ANKRD24: variants seen among roughly 807,000 people sequenced by gnomAD.
ANKRD24 encodes ankyrin repeat domain 24.
In ANKRD24, 109 loss-of-function variants were observed where a neutral mutation model predicts 127.8. That is an observed-to-expected ratio of 0.85 (90% CI 0.73 to 1.00). The LOEUF is 1.00. Ranked by LOEUF, ANKRD24 falls within the 50% of genes least tolerant of loss-of-function variation. The probability of loss-of-function intolerance (pLI) is 0.00; values close to 1 mark genes in which losing one functional copy is unlikely to be tolerated. For missense variants in ANKRD24, 1,648 were observed against 1,570.2 expected, an observed-to-expected ratio of 1.05 and a Z score of -0.84; for synonymous variants, 743 against 671.1, an observed-to-expected ratio of 1.11 and a Z score of -1.66.
chr19:4,210,528 G>A (rs867983353), intron 13 of ANKRD24, among the ~76,000 whole-genome samples, 156 bp downstream of exon 13: 54 of 151,732 alleles, frequency 3.6e-4, no homozygotes, highest in South Asian at 2.7e-3. Flanking sequence ...CCTCCAACTC[G>A]CCAGGCGCAG....
At chr19:4,206,811 G>A (rs1969411889) in intron 7 of ANKRD24, among the ~76,000 whole-genome samples, 1 of 152,190 alleles carries the variant, frequency 6.6e-6, no homozygotes, top group East Asian at 1.9e-4. Context: ...AATTTCTCAT[G>A]AAATAAAGGA....
intron 13 of ANKRD24, among the ~76,000 whole-genome samples, chr19:4,212,072 C>T (rs191376352): frequency 1.3e-5 from 2 of 151,782 alleles, no homozygotes; most frequent in African/African-American, 2.4e-5. Context: ...TGTTGGCGGG[C>T]GCCTGTAGTC....
chr19:4,187,763 GA>G (rs979136434), intron 2 of ANKRD24, among the ~76,000 whole-genome samples: 3 of 152,224 alleles, frequency 2.0e-5, no homozygotes, highest in Admixed American at 2.0e-4. Context: ...CGTATCATGG[GA>G]TACAACATCC....
At chr19:4,204,587 C>T (rs1003230008) in intron 7 of ANKRD24, among the ~76,000 whole-genome samples, 2 of 152,120 alleles carry the variant, frequency 1.3e-5, no homozygotes, top group Admixed American at 1.3e-4. Flanking sequence ...AAACTCCTTC[C>T]CAGAGGGAGG....
intron 11 of ANKRD24, among the ~76,000 whole-genome samples, chr19:4,209,538 C>G (rs896073089): frequency 1.3e-5 from 2 of 152,108 alleles, no homozygotes; most frequent in Non-Finnish European, 2.9e-5. Context: ...CAACCTCTGC[C>G]TCCCAGGTTC....
Position 4,219,210 on chromosome 19 carries a change from C to T in ANKRD24, c.3004-381C>T, listed in dbSNP as rs192256409. On this transcript the variant is annotated intron_variant, in intron 18 of 21. Coordinates refer to ENST00000318934, the MANE Select transcript of ANKRD24 (RefSeq NM_001393985.1). ...CTGAGGCAGGAGAATCGCTTGAACC[C>T]GGGAAGTGGAGGTTGCAGTGAGCTG... 3.9e-5 allele frequency among the ~76,000 whole-genome samples: 6 copies of T among 151,968 alleles called. No homozygotes were observed. In the East Asian group the frequency reaches 1.2e-3, roughly 30 times the overall value.
chr19:4,193,565 C>T (rs352508), intron 2 of ANKRD24, among the ~76,000 whole-genome samples: 66,295 of 151,254 alleles, frequency 0.44, 15,035 homozygotes, highest in Middle Eastern at 0.56. Context: ...ATGGCAGGCG[C>T]GGTGGCTCAT....
chr19:4,186,285 G>T, intron 1 of ANKRD24, 105 bp from the exon 2 acceptor site: 1 of 1,504,980 alleles, frequency 6.6e-7, no homozygotes, highest in Non-Finnish European at 8.9e-7. Context: ...GGCCAGGACT[G>T]GTCAGGAAGG....
At chr19:4,223,426 A>G (rs1599478036) in intron 20 of ANKRD24, among the ~76,000 whole-genome samples, 1 of 95,434 alleles carries the variant, frequency 1.0e-5, no homozygotes, top group Non-Finnish European at 1.9e-5. Context: ...TTTTTGAGCC[A>G]GTCTCACTCT....
chr19:4,224,536 A>G lies in ANKRD24; in HGVS notation c.*31A>G. Reference sequence around the variant, plus strand: ...GCCAGGCCCAGTGGCTACACTGACCACACCCACGCAGGGACCTCACCCCCC... The same window carrying G: ...GCCAGGCCCAGTGGCTACACTGACCGCACCCACGCAGGGACCTCACCCCCC... On this transcript the variant is annotated 3_prime_UTR_variant, in exon 22 of 22. Transcript: ENST00000318934. 1.3e-6 allele frequency: 2 copies of G among 1,584,616 alleles called. No individual in the cohort carries two copies. Among genetic ancestry groups the G allele is most frequent in the Non-Finnish European group, 1.7e-6 (2 of 1,164,220 alleles).
At chr19:4,222,571 T>G in intron 19 of ANKRD24, 99 bp from the exon 20 acceptor site, 1 of 1,365,296 alleles carries the variant, frequency 7.3e-7, no homozygotes, top group Non-Finnish European at 9.6e-7. Context: ...GACCTTCCCT[T>G]GAAAGCCTTT....
intron 6 of ANKRD24, among the ~76,000 whole-genome samples, chr19:4,202,368 A>G (rs1327575746): frequency 1.3e-5 from 2 of 152,112 alleles, no homozygotes; most frequent in East Asian, 3.8e-4. Context: ...CAGGAGTTCG[A>G]GACCAGCCTG....
intron 7 of ANKRD24, among the ~76,000 whole-genome samples, chr19:4,205,762 C>T (rs1283538449): frequency 2.0e-5 from 3 of 147,326 alleles, no homozygotes; most frequent in Admixed American, 2.0e-4. Context: ...GCAGGAGAAT[C>T]GCTGGAACCG....
At chr19:4,205,679 C>G (rs571716468) in intron 7 of ANKRD24, among the ~76,000 whole-genome samples, 14 of 152,072 alleles carry the variant, frequency 9.2e-5, no homozygotes, top group African/African-American at 3.4e-4. Context: ...AAAACCCCAT[C>G]TCTACTAAAA....
At position 4,206,633 on chromosome 19, in the gene ANKRD24, A is replaced by C. The variant is rs538097808; in HGVS notation, c.467-609A>C. On this transcript the variant is annotated intron_variant, in intron 7 of 21. Coordinates refer to ENST00000318934, the MANE Select transcript of ANKRD24 (RefSeq NM_001393985.1). ...ACACAGCGAGACCCCGTCTCTACAA[A>C]AAGTATAGGGAACCACAGTGCTTGG... 3.7e-3 allele frequency among the ~76,000 whole-genome samples: 560 copies of C among 152,080 alleles called. 2 individuals carry two copies. Among genetic ancestry groups the C allele is most frequent in the Non-Finnish European group, 6.4e-3 (435 of 67,978 alleles).
chr19:4,214,888 CAT>C (rs1969970702), intron 15 of ANKRD24, among the ~76,000 whole-genome samples: 1 of 152,112 alleles, frequency 6.6e-6, no homozygotes, highest in Non-Finnish European at 1.5e-5. Flanking sequence ...TGTAATCTCA[CAT>C]AGTCACAGGA....
At chr19:4,207,008 C>A (rs973416321) in intron 7 of ANKRD24, 4 of 565,554 alleles carry the variant, frequency 7.1e-6, no homozygotes, top group African/African-American at 1.9e-5. Flanking sequence ...TGAGCTCAAG[C>A]GGTCCTCCCG....
At position 4,195,135 on chromosome 19, in the gene ANKRD24, C is replaced by G. The variant is rs192621705; in HGVS notation, c.37-4548C>G. ...TCACCCAGGTTGGAGTGCAGTGGCA[C>G]GACTTCTGCTCACTGCAAGCTCCGC... On this transcript the variant is annotated intron_variant, in intron 2 of 21. Coordinates refer to ENST00000318934, the MANE Select transcript of ANKRD24 (RefSeq NM_001393985.1). The surrounding 1 kb of genome is among the most constrained non-coding windows in gnomAD (Gnocchi z 4.2). Among the ~76,000 whole-genome samples the G allele has an allele frequency of 5.9e-5, 9 of 152,004 alleles. No homozygotes were observed. In the South Asian group the frequency reaches 1.0e-3, roughly 18 times the overall value.
Position 4,224,530 on chromosome 19 carries a change from C to G in ANKRD24, c.*25C>G, listed in dbSNP as rs746307376. ...AGAAAGGCCAGGCCCAGTGGCTACA[C>G]TGACCACACCCACGCAGGGACCTCA... On this transcript the variant is annotated 3_prime_UTR_variant, in exon 22 of 22. Coordinates refer to ENST00000318934, the MANE Select transcript of ANKRD24 (RefSeq NM_001393985.1). The G allele has an allele frequency of 4.4e-6, 7 of 1,594,254 alleles. No homozygotes were observed. Among genetic ancestry groups the G allele is most frequent in the African/African-American group, 1.3e-5 (1 of 74,276 alleles).
Sources: gnomAD v4.1 joint callset for allele counts (sites outside exome capture counted in the v4.1 genomes callset) on GRCh38, gnomAD v4.1.1 for gene constraint, Gnocchi (gnomAD v3.1) non-coding constraint, MANE v1.5 for transcripts, NCBI Gene and HGNC (gene_info 2026-07-23, HGNC 2026-07-21) for gene names.